The following KIAA1328 variants were observed in gnomAD, a reference collection of about 807,000 sequenced individuals.
KIAA1328 encodes KIAA1328, also known as protein hinderin.
KIAA1328 carries 52 observed loss-of-function variants against 68.1 expected under a neutral mutation model. The ratio of observed to expected loss-of-function variants is 0.76; its 90% CI spans 0.61 to 0.96. The LOEUF (loss-of-function observed/expected upper bound fraction) is 0.96, where lower values mean the gene tolerates loss of function less well. KIAA1328 is among the 40% of genes least tolerant of loss of function. The pLI, the probability that KIAA1328 is intolerant of heterozygous loss-of-function variation, is 0.00. For synonymous variants in KIAA1328, 232 were observed against 239.4 expected, an observed-to-expected ratio of 0.97 and a Z score of 0.28; for missense variants, 641 against 677.6, an observed-to-expected ratio of 0.95 and a Z score of 0.60.
intron 7 of KIAA1328, among the ~76,000 whole-genome samples, chr18:37,084,723 C>G (rs1599208907): frequency 6.6e-6 from 1 of 152,252 alleles, no homozygotes; most frequent in Non-Finnish European, 1.5e-5. Context: ...GAACATTTCT[C>G]TAAATAAATG....
intron 6 of KIAA1328, among the ~76,000 whole-genome samples, chr18:37,013,753 C>T (rs950904718): frequency 1.8e-4 from 27 of 152,158 alleles, no homozygotes; most frequent in African/African-American, 5.6e-4. Flanking sequence ...TATTGATAGG[C>T]ATCTAGGTTG....
At chr18:37,102,733 A>G (rs971457615) in intron 7 of KIAA1328, among the ~76,000 whole-genome samples, 3 of 152,204 alleles carry the variant, frequency 2.0e-5, no homozygotes, top group South Asian at 2.1e-4. Flanking sequence ...AGCCAGACCA[A>G]TCAAGCAAGA....
chr18:37,166,873 TA>T (rs2154212734), intron 8 of KIAA1328, among the ~76,000 whole-genome samples: 1 of 152,218 alleles, frequency 6.6e-6, no homozygotes, highest in South Asian at 2.1e-4. Flanking sequence ...TGATCTAGAA[TA>T]AATAGAAGAT....
chr18:37,020,421 C>T (rs1037272663), intron 6 of KIAA1328, among the ~76,000 whole-genome samples: 2 of 152,188 alleles, frequency 1.3e-5, no homozygotes, highest in Non-Finnish European at 2.9e-5. Flanking sequence ...CCACGCCCAG[C>T]CGAAACGTAA....
At chr18:36,832,431 C>CA (rs1416551565) in intron 1 of KIAA1328, among the ~76,000 whole-genome samples, 1 of 150,924 alleles carries the variant, frequency 6.6e-6, no homozygotes, top group East Asian at 2.0e-4. Flanking sequence ...ACTAAAACTA[C>CA]AAAAAAAATT....
At chr18:36,978,491 G>A (rs879191758) in intron 6 of KIAA1328, among the ~76,000 whole-genome samples, 2 of 152,228 alleles carry the variant, frequency 1.3e-5, no homozygotes, top group Admixed American at 1.3e-4. Flanking sequence ...TCTAAGGGTA[G>A]CAGGTTCAGG....
At chr18:36,918,207 T>G (rs1360292618) in intron 5 of KIAA1328, among the ~76,000 whole-genome samples, 3 of 152,114 alleles carry the variant, frequency 2.0e-5, no homozygotes, top group African/African-American at 7.2e-5. Context: ...ATTTTTCCCC[T>G]TTTCCATCAG....
At chr18:36,940,939 G>T (rs954278869) in intron 5 of KIAA1328, among the ~76,000 whole-genome samples, 6 of 152,072 alleles carry the variant, frequency 3.9e-5, no homozygotes, top group Admixed American at 1.3e-4. Flanking sequence ...CTCCCAAAGT[G>T]CTGGAATTAT....
chr18:37,142,861 A>G (rs992543904), intron 7 of KIAA1328, among the ~76,000 whole-genome samples: 6 of 151,964 alleles, frequency 3.9e-5, no homozygotes, highest in African/African-American at 1.4e-4. Flanking sequence ...TTATGATTCA[A>G]TCAATTTGGG....
chr18:37,185,409 A>G (rs1185141528), intron 9 of KIAA1328, among the ~76,000 whole-genome samples: 2 of 152,178 alleles, frequency 1.3e-5, no homozygotes, highest in Non-Finnish European at 2.9e-5. Flanking sequence ...ACACCAACCA[A>G]AAGACATAGA....
chr18:36,881,218 C>G (rs1431514145), intron 4 of KIAA1328, among the ~76,000 whole-genome samples: 2 of 150,256 alleles, frequency 1.3e-5, no homozygotes, highest in Non-Finnish European at 3.0e-5. Context: ...ATCATACTAT[C>G]TCTTATCCTT....
intron 3 of KIAA1328, among the ~76,000 whole-genome samples, chr18:36,839,900 T>C (rs1171705160): frequency 6.6e-6 from 1 of 152,166 alleles, no homozygotes; most frequent in Admixed American, 6.5e-5. Flanking sequence ...ACTGTTCATT[T>C]TGGGCTCTTT....
At chr18:36,973,182 G>C (rs923151177) in intron 6 of KIAA1328, among the ~76,000 whole-genome samples, 3 of 152,126 alleles carry the variant, frequency 2.0e-5, no homozygotes, top group Non-Finnish European at 4.4e-5. Context: ...TGGGGACATG[G>C]ATGAAGCTGG....
At chr18:37,220,485 C>T (rs549926777) in intron 9 of KIAA1328, among the ~76,000 whole-genome samples, 16 of 152,272 alleles carry the variant, frequency 1.1e-4, no homozygotes, top group African/African-American at 2.9e-4. Context: ...TGTGGATGTT[C>T]GCTTTCCAGT....
At position 37,109,003 on chromosome 18, in the gene KIAA1328, C is replaced by G. The variant is rs187828846; in HGVS notation, c.1232+41458C>G. ...TCCATGTGTTCTCATTGTTCAACTC[C>G]CACCTATGAGTGAGAACATGCAGTG... On this transcript the variant is annotated intron_variant, in intron 7 of 9. Transcript: ENST00000280020. Among the ~76,000 whole-genome samples the G allele has an allele frequency of 2.6e-4, 39 of 151,536 alleles. No individual in the cohort carries two copies. In the East Asian group the frequency reaches 3.9e-3, roughly 15 times the overall value.
intron 9 of KIAA1328, among the ~76,000 whole-genome samples, chr18:37,221,648 G>A (rs981636088): frequency 6.6e-6 from 1 of 152,208 alleles, no homozygotes; most frequent in African/African-American, 2.4e-5. Context: ...GGGTTCATTA[G>A]AGGATTATAG....
At chr18:36,833,705 T>C (rs1027748000) in intron 1 of KIAA1328, among the ~76,000 whole-genome samples, 2 of 152,198 alleles carry the variant, frequency 1.3e-5, no homozygotes, top group Non-Finnish European at 2.9e-5. Context: ...AAACAGTGTG[T>C]TATAATCATA....
intron 7 of KIAA1328, among the ~76,000 whole-genome samples, chr18:37,127,984 A>C (rs1200801939): frequency 6.6e-6 from 1 of 152,174 alleles, no homozygotes; most frequent in Non-Finnish European, 1.5e-5. Context: ...ATGATGCTGA[A>C]GCAATTGGAT....
intron 5 of KIAA1328, among the ~76,000 whole-genome samples, chr18:36,888,480 G>A (rs1224635320): frequency 6.6e-6 from 1 of 152,032 alleles, no homozygotes; most frequent in Non-Finnish European, 1.5e-5. Context: ...TTTGGCCTAA[G>A]CATTTCTTTA....
Sources: allele counts gnomAD v4.1 joint callset (sites outside exome capture counted in the v4.1 genomes callset), GRCh38; gene constraint gnomAD v4.1.1; transcripts MANE v1.5; gene names NCBI Gene and HGNC (gene_info 2026-07-23, HGNC 2026-07-21).